PDE10A: variants seen among roughly 807,000 people sequenced by gnomAD.
PDE10A encodes cAMP and cAMP-inhibited cGMP 3',5'-cyclic phosphodiesterase 10A.
PDE10A carries 39 observed loss-of-function variants against 97.7 expected under a neutral mutation model. That is an observed-to-expected ratio of 0.40 (90% confidence interval 0.31 to 0.52). PDE10A has a LOEUF of 0.52. Ranked by LOEUF, PDE10A falls within the 20% of genes least tolerant of loss-of-function variation. PDE10A has a pLI of 0.56. For synonymous variants in PDE10A, 371 were observed against 376.8 expected, an observed-to-expected ratio of 0.98 and a Z score of 0.18; for missense variants, 731 against 1,047.8, an observed-to-expected ratio of 0.70 and a Z score of 4.17.
chr6:165,858,738 G>C (rs187775778), intron 1 of PDE10A, among the ~76,000 whole-genome samples: 208 of 152,300 alleles, frequency 1.4e-3, no homozygotes, highest in Non-Finnish European at 2.3e-3. Flanking sequence ...ACTCCCATCA[G>C]TGAAGGCTTT....
intron 1 of PDE10A, among the ~76,000 whole-genome samples, chr6:165,723,440 C>T (rs546962328): frequency 2.0e-5 from 3 of 152,274 alleles, no homozygotes; most frequent in Non-Finnish European, 4.4e-5. Flanking sequence ...AAAAATAGTG[C>T]GGTTTCCTTG....
rs547826836 is a variant in PDE10A at position 165,805,847 on chromosome 6, G to A, written c.-615+181682C>T. ...GGAGCCGGGCTGATGGATCTGGGTG[G>A]TTGCTCTGGCCCCGTTCCTGGGAAC... On this transcript the variant is annotated intron_variant, in intron 1 of 19. Transcript: ENST00000366882. Among the ~76,000 whole-genome samples the A allele has an allele frequency of 2.0e-5, 3 of 151,820 alleles. No homozygotes were observed. In the East Asian group the frequency reaches 5.8e-4, roughly 30 times the overall value.
chr6:165,569,200 T>A (rs2128343197), intron 1 of PDE10A, among the ~76,000 whole-genome samples: 1 of 152,344 alleles, frequency 6.6e-6, no homozygotes, highest in East Asian at 1.9e-4. Flanking sequence ...CTTATGTGTG[T>A]CATCTTTACT....
At chr6:165,421,229 C>T (rs895112947) in intron 10 of PDE10A, among the ~76,000 whole-genome samples, 1 of 152,042 alleles carries the variant, frequency 6.6e-6, no homozygotes, top group Non-Finnish European at 1.5e-5. Flanking sequence ...ATCTCTTGAG[C>T]CCAGGAGTTT....
intron 1 of PDE10A, among the ~76,000 whole-genome samples, chr6:165,583,785 T>C (rs1024517826): frequency 1.3e-5 from 2 of 152,160 alleles, no homozygotes; most frequent in African/African-American, 4.8e-5. Context: ...GTTTCTCCCA[T>C]AGCCAGGATT....
chr6:165,409,356 G>A (rs981203378), intron 13 of PDE10A, among the ~76,000 whole-genome samples: 3 of 152,096 alleles, frequency 2.0e-5, no homozygotes, highest in Non-Finnish European at 4.4e-5. Flanking sequence ...AGAATAGCCT[G>A]GCCAACGTGG....
rs1308756484 is a variant in PDE10A at position 165,619,006 on chromosome 6, A to G, written c.865+42941T>C. On this transcript the variant is annotated intron_variant, in intron 1 of 21. Transcript: ENST00000539869. ...AGTGTAGTGTAGTCTAGTGTAGTGT[A>G]GTCTAGTGTAGTCTAGCATAGTCTA... Among the ~76,000 whole-genome samples the G allele has an allele frequency of 2.6e-5, 4 of 151,600 alleles. No individual in the cohort carries two copies. In the South Asian group the frequency reaches 6.3e-4, roughly 24 times the overall value.
At chr6:165,947,792 C>G (rs1463110006) in intron 1 of PDE10A, among the ~76,000 whole-genome samples, 1 of 152,126 alleles carries the variant, frequency 6.6e-6, no homozygotes, top group African/African-American at 2.4e-5. Context: ...TCTCTTTGCA[C>G]AATCGTATGG....
intron 1 of PDE10A, among the ~76,000 whole-genome samples, chr6:165,910,181 C>T (rs1782412643): frequency 6.6e-6 from 1 of 152,096 alleles, no homozygotes; most frequent in Non-Finnish European, 1.5e-5. Context: ...GCAATCATAT[C>T]TGGGTGCAGA....
At chr6:165,732,859 T>C (rs1244181810) in intron 1 of PDE10A, among the ~76,000 whole-genome samples, 1 of 152,188 alleles carries the variant, frequency 6.6e-6, no homozygotes, top group Non-Finnish European at 1.5e-5. Flanking sequence ...GTGAGTGGCA[T>C]CTGTCCGCTG....
intron 1 of PDE10A, among the ~76,000 whole-genome samples, chr6:165,954,449 C>T (rs1038799619): frequency 2.6e-5 from 4 of 152,198 alleles, no homozygotes; most frequent in African/African-American, 9.6e-5. Flanking sequence ...AGTTTAACGT[C>T]TACCTACGGG....
intron 1 of PDE10A, chr6:165,946,993 C>T (rs1486881852): frequency 2.0e-5 from 3 of 152,004 alleles, no homozygotes; most frequent in Non-Finnish European, 4.4e-5. Context: ...TTCAAATTTA[C>T]TCGGTTGCTC....
At chr6:165,907,950 C>T (rs994169123) in intron 1 of PDE10A, among the ~76,000 whole-genome samples, 3 of 152,246 alleles carry the variant, frequency 2.0e-5, no homozygotes, top group Non-Finnish European at 4.4e-5. Flanking sequence ...AAAAACTACA[C>T]CTCGAGCCTT....
intron 3 of PDE10A, among the ~76,000 whole-genome samples, chr6:165,455,503 C>T (rs941051871): frequency 1.3e-5 from 2 of 152,200 alleles, no homozygotes; most frequent in African/African-American, 4.8e-5. Flanking sequence ...CAATTAATTA[C>T]TATGACCAAA....
intron 10 of PDE10A, among the ~76,000 whole-genome samples, chr6:165,423,758 G>A (rs1441756745): frequency 1.3e-5 from 2 of 149,514 alleles, no homozygotes; most frequent in Non-Finnish European, 2.9e-5. Flanking sequence ...CCAGCTACTC[G>A]GGAGGCTGAG....
intron 3 of PDE10A, among the ~76,000 whole-genome samples, chr6:165,451,077 C>T (rs1457357073): frequency 6.6e-6 from 1 of 152,128 alleles, no homozygotes; most frequent in African/African-American, 2.4e-5. Context: ...AACAAGTGCC[C>T]TCTGTGCCAC....
At chr6:165,943,210 A>AAGGAAG (rs1783606918) in intron 1 of PDE10A, among the ~76,000 whole-genome samples, 2 of 88,568 alleles carry the variant, frequency 2.3e-5, no homozygotes, top group African/African-American at 5.5e-5. Flanking sequence ...AAAGAAAGAA[A>AAGGAAG]GAAAGAAAGA....
chr6:165,559,251 T>C (rs543831712), intron 1 of PDE10A, among the ~76,000 whole-genome samples: 1 of 152,322 alleles, frequency 6.6e-6, no homozygotes, highest in East Asian at 1.9e-4. Context: ...TATATGGTTA[T>C]TTCCAATACG....
intron 1 of PDE10A, among the ~76,000 whole-genome samples, chr6:165,691,591 G>GCGCACACACA (rs1554306127): frequency 4.5e-4 from 23 of 51,660 alleles, no homozygotes; most frequent in Admixed American, 1.7e-3. Context: ...GCACGCGCGC[G>GCGCACACACA]CACACACACA....
Sources: gnomAD v4.1 joint callset for allele counts (sites outside exome capture counted in the v4.1 genomes callset) on GRCh38, gnomAD v4.1.1 for gene constraint, MANE v1.5 for transcripts, NCBI Gene and HGNC (gene_info 2026-07-23, HGNC 2026-07-21) for gene names.